Variants in ASAP1 observed in about 807,000 individuals in gnomAD.
The protein encoded by ASAP1 is ArfGAP with SH3 domain, ankyrin repeat and PH domain 1.
Under a neutral mutation model 145.2 loss-of-function variants are expected in ASAP1, and 43 were observed. The observed-to-expected ratio is 0.30, with a 90% CI of 0.23 to 0.38. ASAP1 has a LOEUF of 0.38. Among genes scored for constraint, ASAP1 ranks in the 10% least tolerant of loss-of-function variants. The pLI is 1.00. For missense variants in ASAP1, 1,018 were observed against 1,355.3 expected (o/e 0.75, Z 3.91); for synonymous variants, 546 against 515.5 (o/e 1.06, Z -0.80).
At chr8:130,256,755 A>ATCCT (rs1554860201) in intron 3 of ASAP1, among the ~76,000 whole-genome samples, 1 of 89,780 alleles carries the variant, frequency 1.1e-5, no homozygotes. Flanking sequence ...ATATATATAT[A>ATCCT]TATATATATA....
chr8:130,056,955 C>T (rs759009138), intron 29 of ASAP1, among the ~76,000 whole-genome samples: 12 of 152,212 alleles, frequency 7.9e-5, no homozygotes, highest in Non-Finnish European at 1.6e-4. Context: ...GGACTGCCCT[C>T]GCAGGTCACT....
chr8:130,431,448 T>A (rs1169194738), intron 1 of ASAP1, among the ~76,000 whole-genome samples: 1 of 152,224 alleles, frequency 6.6e-6, no homozygotes, highest in Non-Finnish European at 1.5e-5. Context: ...GAACCACTTG[T>A]AATTTCCAGC....
chr8:130,066,699 G>C (rs1485930600), intron 27 of ASAP1, among the ~76,000 whole-genome samples: 3 of 151,800 alleles, frequency 2.0e-5, no homozygotes, highest in African/African-American at 7.3e-5. Flanking sequence ...TGCAGAACAT[G>C]TTTTACTTTG....
At chr8:130,069,830 G>A (rs552191301) in intron 27 of ASAP1, among the ~76,000 whole-genome samples, 3 of 152,278 alleles carry the variant, frequency 2.0e-5, no homozygotes, top group African/African-American at 7.2e-5. Flanking sequence ...GGGCAAAAAT[G>A]GGGCAGACTA....
At chr8:130,322,303 TA>T (rs5895042) in intron 3 of ASAP1, among the ~76,000 whole-genome samples, 72,633 of 147,048 alleles carry the variant, frequency 0.49, 17,634 homozygotes, top group South Asian at 0.66. Context: ...CATCTGTGGT[TA>T]AAAAAAAAAA....
rs117206514 is a variant in ASAP1, at chr8:130,441,161, T to C, written c.-28+2299A>G. On this transcript the variant is annotated intron_variant, in intron 1 of 29. Transcript: ENST00000518721. ...ATAGAAGGCCTTGAGAACAGGGTCC[T>C]ATTCATCTTTGCAGGACTGGCACCT... Among the ~76,000 whole-genome samples, 106 of 152,364 alleles carry C rather than the reference T, an allele frequency of 7.0e-4. 2 individuals carry two copies. The East Asian group carries it at 0.017, about 24-fold the overall frequency.
chr8:130,075,606 T>C (rs915185634), intron 27 of ASAP1, among the ~76,000 whole-genome samples: 4 of 152,108 alleles, frequency 2.6e-5, no homozygotes, highest in Admixed American at 1.3e-4. Context: ...ATCTAGATGC[T>C]CCTAAAGGTA....
At chr8:130,239,387 C>T (rs1376379553) in intron 3 of ASAP1, among the ~76,000 whole-genome samples, 5 of 152,006 alleles carry the variant, frequency 3.3e-5, no homozygotes, top group Non-Finnish European at 5.9e-5. Context: ...TTATTATATC[C>T]ATTTTATGGA....
At chr8:130,147,403 C>T (rs1396906306) in intron 13 of ASAP1, among the ~76,000 whole-genome samples, 2 of 151,828 alleles carry the variant, frequency 1.3e-5, no homozygotes, top group Non-Finnish European at 2.9e-5. Flanking sequence ...CATTAATAGC[C>T]CCATTTTATT....
intron 3 of ASAP1, among the ~76,000 whole-genome samples, chr8:130,341,823 A>T (rs933007603): frequency 9.2e-5 from 14 of 152,208 alleles, no homozygotes; most frequent in African/African-American, 3.1e-4. Flanking sequence ...TATTTATATA[A>T]TTATTTATTA....
chr8:130,192,537 T>C (rs1451463327), intron 5 of ASAP1, among the ~76,000 whole-genome samples: 4 of 152,190 alleles, frequency 2.6e-5, no homozygotes, highest in African/African-American at 7.2e-5. Context: ...TACAATTCCC[T>C]AGCATCCTCC....
intron 7 of ASAP1, among the ~76,000 whole-genome samples, chr8:130,184,057 C>T (rs184004501): frequency 1.3e-3 from 202 of 152,282 alleles, no homozygotes; most frequent in South Asian, 0.011. Context: ...TAAGAATTCA[C>T]AGAAGATTCA....
intron 4 of ASAP1, among the ~76,000 whole-genome samples, chr8:130,235,176 T>C (rs1441419262): frequency 6.6e-6 from 1 of 152,184 alleles, no homozygotes; most frequent in Non-Finnish European, 1.5e-5. Flanking sequence ...TCTCTCTTTT[T>C]CAAAGGGGTG....
intron 25 of ASAP1, among the ~76,000 whole-genome samples, chr8:130,088,829 T>C (rs2097499490): frequency 6.6e-6 from 1 of 152,242 alleles, no homozygotes; most frequent in African/African-American, 2.4e-5. Context: ...TTTTATGTGT[T>C]CTTCTCATTT....
chr8:130,175,620 C>G (rs1813897808), intron 9 of ASAP1, among the ~76,000 whole-genome samples: 1 of 152,108 alleles, frequency 6.6e-6, no homozygotes, highest in African/African-American at 2.4e-5. Context: ...TTGTCTTTTA[C>G]TTTCTTGATA....
intron 7 of ASAP1, among the ~76,000 whole-genome samples, chr8:130,184,064 T>G (rs993484933): frequency 5.3e-5 from 8 of 152,144 alleles, no homozygotes; most frequent in African/African-American, 7.2e-5. Flanking sequence ...TCACAGAAGA[T>G]TCACACAGAA....
chr8:130,289,767 A>T (rs1329010440), intron 3 of ASAP1, among the ~76,000 whole-genome samples: 1 of 152,212 alleles, frequency 6.6e-6, no homozygotes, highest in Non-Finnish European at 1.5e-5. Flanking sequence ...TTTAGAATTC[A>T]TACTTTTGTA....
At chr8:130,289,925 A>T (rs551492894) in intron 3 of ASAP1, among the ~76,000 whole-genome samples, 1 of 152,354 alleles carries the variant, frequency 6.6e-6, no homozygotes, top group African/African-American at 2.4e-5. Context: ...GCCTCATGAA[A>T]CAAAATTTCA....
intron 3 of ASAP1, among the ~76,000 whole-genome samples, chr8:130,278,689 T>C (rs548863708): frequency 1.3e-5 from 2 of 152,350 alleles, no homozygotes; most frequent in East Asian, 3.9e-4. Flanking sequence ...AATTAATTCC[T>C]GGGATATTTT....
Sources: allele counts gnomAD v4.1 joint callset (sites outside exome capture counted in the v4.1 genomes callset), GRCh38; gene constraint gnomAD v4.1.1; transcripts MANE v1.5; gene names NCBI Gene and HGNC (gene_info 2026-07-23, HGNC 2026-07-21).